The following AP4S1 variants were observed in gnomAD, a reference collection of about 807,000 sequenced individuals.
AP4S1 encodes adaptor related protein complex 4 subunit sigma 1.
AP4S1 carries 23 observed loss-of-function variants against 19.8 expected under a neutral mutation model. That is an observed-to-expected ratio of 1.16 (90% CI 0.84 to 1.65). The LOEUF (loss-of-function observed/expected upper bound fraction) is 1.65. AP4S1 is among the 40% of genes most tolerant of loss of function. AP4S1 has a pLI of 0.00. For missense variants in AP4S1, 166 were observed against 172.8 expected, an observed-to-expected ratio of 0.96 and a Z score of 0.22; for synonymous variants, 46 against 54.1, an observed-to-expected ratio of 0.85 and a Z score of 0.66.
chr14:31,051,441 C>A (rs139063199), intron 1 of AP4S1, among the ~76,000 whole-genome samples: 1 of 152,152 alleles, frequency 6.6e-6, no homozygotes, highest in African/African-American at 2.4e-5. Context: ...GAGACCGAGG[C>A]GGGCAGATCA....
At chr14:31,089,984 A>G (rs972753775) in intron 5 of AP4S1, among the ~76,000 whole-genome samples, 1 of 152,070 alleles carries the variant, frequency 6.6e-6, no homozygotes, top group African/African-American at 2.4e-5. Context: ...TTTTATTTTC[A>G]TTTTTATTTA....
chr14:31,047,568 G>T (rs899446132), intron 1 of AP4S1, among the ~76,000 whole-genome samples: 21 of 151,178 alleles, frequency 1.4e-4, no homozygotes, highest in African/African-American at 2.7e-4. Context: ...ATTTTTTATG[G>T]TTTTTTTTAG....
intron 1 of AP4S1, among the ~76,000 whole-genome samples, chr14:31,031,617 A>G (rs1157285929): frequency 6.6e-5 from 10 of 152,158 alleles, no homozygotes; most frequent in Admixed American, 6.5e-4. Context: ...TAAACTCTTG[A>G]TGTTGTGCTT....
chr14:31,031,747 A>G (rs550465661), intron 1 of AP4S1, among the ~76,000 whole-genome samples: 3 of 152,272 alleles, frequency 2.0e-5, no homozygotes, highest in South Asian at 4.1e-4. Context: ...CTATCTCCCT[A>G]AACTGTGGCT....
chr14:31,083,503 T>A (rs1240689858), intron 5 of AP4S1: 1 of 402,934 alleles, frequency 2.5e-6, no homozygotes, highest in South Asian at 1.7e-5. Context: ...ACTCTTTTTT[T>A]TTTTTTTTTT....
At chr14:31,063,246 C>G (rs144026128) in intron 1 of AP4S1, among the ~76,000 whole-genome samples, 15,195 of 152,104 alleles carry the variant, frequency 0.1, 994 homozygotes, top group South Asian at 0.25. Flanking sequence ...GCCTGGACAA[C>G]ATGGTGAAAC....
At chr14:31,063,557 C>T (rs1214388824) in intron 1 of AP4S1, among the ~76,000 whole-genome samples, 1 of 152,134 alleles carries the variant, frequency 6.6e-6, no homozygotes, top group Non-Finnish European at 1.5e-5. Flanking sequence ...GAGTTCAAGG[C>T]TATAGTGAGC....
At chr14:31,072,232 C>A (rs1245082479) in intron 3 of AP4S1, among the ~76,000 whole-genome samples, 1 of 152,004 alleles carries the variant, frequency 6.6e-6, no homozygotes, top group African/African-American at 2.4e-5. Context: ...TGAGCCATTA[C>A]GCCAAGCCTA....
intron 5 of AP4S1, among the ~76,000 whole-genome samples, chr14:31,091,954 T>A (rs1193963887): frequency 6.6e-6 from 1 of 152,224 alleles, no homozygotes; most frequent in Admixed American, 6.5e-5. Context: ...CTCATTCCAG[T>A]TCCCCTTCTT....
chr14:31,067,670 C>T (rs1254406883), intron 2 of AP4S1, among the ~76,000 whole-genome samples: 1 of 151,826 alleles, frequency 6.6e-6, no homozygotes, highest in African/African-American at 2.4e-5. Flanking sequence ...AGGCTCGTGC[C>T]ACCACACCCA....
chr14:31,031,122 C>G (rs1884365632), intron 1 of AP4S1, among the ~76,000 whole-genome samples: 1 of 152,142 alleles, frequency 6.6e-6, no homozygotes, highest in Non-Finnish European at 1.5e-5. Context: ...TCTCCTGTCT[C>G]TCCTGCCCTT....
intron 2 of AP4S1, among the ~76,000 whole-genome samples, 192 bp from the exon 3 acceptor site, chr14:31,069,651 A>G (rs1007351505): frequency 6.6e-6 from 1 of 152,218 alleles, no homozygotes; most frequent in African/African-American, 2.4e-5. Flanking sequence ...ATACTTCTCC[A>G]GTTTCCACTA....
At chr14:31,074,732 T>A (rs1159872957) in intron 4 of AP4S1, among the ~76,000 whole-genome samples, 3 of 152,122 alleles carry the variant, frequency 2.0e-5, no homozygotes, top group Admixed American at 6.6e-5. Flanking sequence ...CAAGCATCTC[T>A]AGTGACAGAT....
intron 1 of AP4S1, chr14:31,026,245 G>A (rs1396589640): frequency 1.5e-5 from 20 of 1,363,366 alleles, no homozygotes; most frequent in Non-Finnish European, 1.8e-5. Flanking sequence ...GGAAGGGCCG[G>A]AGAGGGTGGC....
intron 1 of AP4S1, among the ~76,000 whole-genome samples, chr14:31,031,057 T>C (rs1035772076): frequency 3.9e-5 from 6 of 152,174 alleles, no homozygotes; most frequent in African/African-American, 1.4e-4. Context: ...GTTCTCGTGA[T>C]AGTGAGTTCT....
At chr14:31,075,917 T>G (rs1278747127) in intron 4 of AP4S1, among the ~76,000 whole-genome samples, 1 of 152,072 alleles carries the variant, frequency 6.6e-6, no homozygotes, top group Non-Finnish European at 1.5e-5. Flanking sequence ...TTTTGTATTT[T>G]TAGTAGAGAC....
chr14:31,082,530 T>A (rs1473395882), intron 5 of AP4S1, among the ~76,000 whole-genome samples: 1 of 152,178 alleles, frequency 6.6e-6, no homozygotes, highest in Non-Finnish European at 1.5e-5. Context: ...CCACTTTTGG[T>A]CTTGCCACTG....
intron 1 of AP4S1, chr14:31,026,084 C>G: frequency 6.5e-7 from 1 of 1,526,854 alleles, no homozygotes; most frequent in Admixed American, 2.0e-5. Context: ...CCGCTCCGTT[C>G]CCCCCGGGCG....
chr14:31,041,538 G>T (rs1281005157), intron 1 of AP4S1, among the ~76,000 whole-genome samples: 1 of 152,202 alleles, frequency 6.6e-6, no homozygotes, highest in African/African-American at 2.4e-5. Flanking sequence ...GTTCTCTGCA[G>T]TTTCTCCTTT....
Sources: allele counts gnomAD v4.1 joint callset (sites outside exome capture counted in the v4.1 genomes callset), GRCh38; gene constraint gnomAD v4.1.1; transcripts MANE v1.5; gene names NCBI Gene and HGNC (gene_info 2026-07-23, HGNC 2026-07-21).